Variants in ATP2B1 observed in about 807,000 individuals in gnomAD.
ATP2B1 encodes plasma membrane calcium-transporting ATPase 1.
A neutral mutation model predicts 124.2 loss-of-function variants in ATP2B1; 14 were observed. The observed-to-expected ratio is 0.11, with a 90% CI of 0.07 to 0.18. The LOEUF (loss-of-function observed/expected upper bound fraction) is 0.18, where lower values mean the gene tolerates loss of function less well. Ranked by LOEUF, ATP2B1 falls within the 10% of genes least tolerant of loss-of-function variation. ATP2B1 has a pLI of 1.00. For synonymous variants in ATP2B1, 449 were observed against 492.4 expected, an observed-to-expected ratio of 0.91 and a Z score of 1.17; for missense variants, 763 against 1,466.1, an observed-to-expected ratio of 0.52 and a Z score of 7.83.
At chr12:89,597,622 C>A (rs941565133) in intron 20 of ATP2B1, among the ~76,000 whole-genome samples, 16 of 152,132 alleles carry the variant, frequency 1.1e-4, no homozygotes, top group African/African-American at 3.4e-4. Flanking sequence ...CCTTCGCTGG[C>A]TGGAGACCAA....
chr12:89,655,565 T>A, intron 2 of ATP2B1, 114 bp downstream of exon 2: 5 of 1,026,628 alleles, frequency 4.9e-6, no homozygotes, highest in Non-Finnish European at 7.3e-6. Flanking sequence ...TTAATGTCAC[T>A]ATAATTATGT....
intron 1 of ATP2B1, among the ~76,000 whole-genome samples, chr12:89,669,928 T>C (rs758284297): frequency 5.3e-5 from 8 of 152,196 alleles, no homozygotes; most frequent in Non-Finnish European, 1.0e-4. Flanking sequence ...AGGTATTACG[T>C]ATCTATAATT....
intron 20 of ATP2B1, chr12:89,593,423 T>C (rs1396726738): frequency 1.3e-5 from 2 of 152,070 alleles, no homozygotes; most frequent in Non-Finnish European, 2.9e-5. Flanking sequence ...TTTGATAAGG[T>C]TGCTGGTGCT....
At chr12:89,596,147 TA>T (rs1159940579) in intron 20 of ATP2B1, among the ~76,000 whole-genome samples, 14 of 151,976 alleles carry the variant, frequency 9.2e-5, no homozygotes, top group African/African-American at 3.4e-4. Context: ...ATATAATAAG[TA>T]TAGTACACCT....
At chr12:89,620,509 A>G (rs939548737) in intron 10 of ATP2B1, among the ~76,000 whole-genome samples, 2 of 152,190 alleles carry the variant, frequency 1.3e-5, no homozygotes, top group African/African-American at 4.8e-5. Flanking sequence ...TCTGTAAAAT[A>G]GGAGCACTTA....
chr12:89,593,032 C>T (rs1873886005), intron 20 of ATP2B1, among the ~76,000 whole-genome samples: 1 of 151,968 alleles, frequency 6.6e-6, no homozygotes, highest in African/African-American at 2.4e-5. Flanking sequence ...TACTTCAGTT[C>T]CTTAATTTGA....
In ATP2B1 at chr12:89,621,525, C is replaced by T. The variant is rs1180183178; in HGVS notation, c.1587+24G>A. On this transcript the variant is annotated intron_variant, in intron 10 of 20. Transcript: ENST00000428670. ...CATTATAGATTTAAAAATTAATTTT[C>T]ATAAATTATTTCAAAAACCTTACCA... 7 of 1,445,186 alleles carry T rather than the reference C, an allele frequency of 4.8e-6. No individual in the cohort carries two copies. In the East Asian group the frequency reaches 1.7e-4, roughly 36 times the overall value. The allele number at this position is 1,445,186 out of a possible 1,614,324, so 89.5% of individuals were successfully genotyped here. A position where few individuals can be genotyped will look rare whatever the true frequency, so the allele number is the denominator to read the frequency against.
At chr12:89,627,833 A>G (rs1352190430) in intron 6 of ATP2B1, 117 bp from the exon 7 acceptor site, 5 of 1,120,858 alleles carry the variant, frequency 4.5e-6, no homozygotes, top group Non-Finnish European at 5.2e-6. Flanking sequence ...GTGTGTGTCT[A>G]CAGATTAGAA....
intron 10 of ATP2B1, 108 bp downstream of exon 10, chr12:89,621,441 A>G: frequency 1.1e-6 from 1 of 888,108 alleles, no homozygotes; most frequent in Non-Finnish European, 1.5e-6. Context: ...CCTTTTAAAA[A>G]CTTAACAGTT....
chr12:89,606,247 A>G (rs1260173534), intron 15 of ATP2B1, among the ~76,000 whole-genome samples: 1 of 152,250 alleles, frequency 6.6e-6, no homozygotes, highest in Non-Finnish European at 1.5e-5. Flanking sequence ...CCTCACCTTC[A>G]TTAATGAAAG....
At chr12:89,615,780 G>A (rs1004778073) in intron 12 of ATP2B1, among the ~76,000 whole-genome samples, 1 of 152,170 alleles carries the variant, frequency 6.6e-6, no homozygotes, top group African/African-American at 2.4e-5. Context: ...TTAAGCACAT[G>A]TGTTTTAGAC....
chr12:89,697,450 T>A (rs907739291), intron 1 of ATP2B1, among the ~76,000 whole-genome samples: 1 of 152,160 alleles, frequency 6.6e-6, no homozygotes, highest in African/African-American at 2.4e-5. Context: ...CATGTCCACA[T>A]TGCTCACTTC....
intron 6 of ATP2B1, among the ~76,000 whole-genome samples, chr12:89,629,155 G>C (rs932029374): frequency 6.6e-6 from 1 of 152,136 alleles, no homozygotes; most frequent in Admixed American, 6.5e-5. Flanking sequence ...CTTCCCTTCA[G>C]CGTTCAATGA....
chr12:89,670,693 G>C (rs1051974964), intron 1 of ATP2B1, among the ~76,000 whole-genome samples: 3 of 152,072 alleles, frequency 2.0e-5, no homozygotes, highest in Non-Finnish European at 4.4e-5. Context: ...TTATGTCCTA[G>C]AATATAATAA....
At chr12:89,651,211 GA>G (rs1885203755) in intron 2 of ATP2B1, among the ~76,000 whole-genome samples, 1 of 152,174 alleles carries the variant, frequency 6.6e-6, no homozygotes, top group Admixed American at 6.5e-5. Flanking sequence ...CATATTGTTA[GA>G]AAACAAGTGA....
rs368037045 is a variant in ATP2B1 at position 89,603,692 on chromosome 12, A to G, written c.2848+20T>C. Reference sequence around the variant, plus strand: ...AAAAGAAACAATTAACTGAAGCTTTATTAGACACTGAATTCTTACCAGCAA... The same window carrying G: ...AAAAGAAACAATTAACTGAAGCTTTGTTAGACACTGAATTCTTACCAGCAA... On this transcript the variant is annotated intron_variant, in intron 17 of 20. Transcript: ENST00000428670. The surrounding 1 kb of genome is among the most constrained non-coding windows in gnomAD (Gnocchi z 4.3). 187 of 1,599,052 alleles carry G rather than the reference A, an allele frequency of 1.2e-4. No individual in the cohort carries two copies. Among genetic ancestry groups the G allele is most frequent in the Non-Finnish European group, 1.9e-5 (22 of 1,166,510 alleles).
chr12:89,658,539 T>C (rs186671402), intron 1 of ATP2B1, among the ~76,000 whole-genome samples: 1 of 151,822 alleles, frequency 6.6e-6, no homozygotes, highest in Non-Finnish European at 1.5e-5. Flanking sequence ...TGTTTTTTTT[T>C]ATTCCTATGT....
intron 1 of ATP2B1, among the ~76,000 whole-genome samples, chr12:89,667,594 A>G (rs1158912675): frequency 1.3e-5 from 2 of 152,176 alleles, no homozygotes; most frequent in Non-Finnish European, 2.9e-5. Flanking sequence ...TGTTCTCCAA[A>G]GTTCTTACCA....
chr12:89,673,644 G>T (rs116058790), intron 1 of ATP2B1, among the ~76,000 whole-genome samples: 45 of 152,198 alleles, frequency 3.0e-4, no homozygotes, highest in African/African-American at 1.1e-3. Context: ...TCTTTCATAA[G>T]GACCCAACAT....
Sources: allele counts gnomAD v4.1 joint callset (sites outside exome capture counted in the v4.1 genomes callset), GRCh38; gene constraint gnomAD v4.1.1; non-coding constraint Gnocchi (gnomAD v3.1); transcripts MANE v1.5; gene names NCBI Gene and HGNC (gene_info 2026-07-23, HGNC 2026-07-21).